Variants in TACR2 observed in about 807,000 individuals in gnomAD.
TACR2 encodes the protein tachykinin receptor 2, also known as substance-K receptor.
TACR2 carries 24 observed loss-of-function variants against 28.9 expected under a neutral mutation model. The observed-to-expected ratio is 0.83, with a 90% confidence interval of 0.60 to 1.17. The LOEUF (loss-of-function observed/expected upper bound fraction) is 1.17, where lower values mean the gene tolerates loss of function less well. Among genes scored for constraint, TACR2 ranks in the 50% most tolerant of loss-of-function variants. The pLI, the probability that TACR2 is intolerant of heterozygous loss-of-function variation, is 0.00. For synonymous variants in TACR2, 222 were observed against 212.6 expected (o/e 1.04, Z -0.38); for missense variants, 487 against 524.4 (o/e 0.93, Z 0.70).
chr10:69,413,383 G>A (rs189857449), intron 2 of TACR2, among the ~76,000 whole-genome samples: 63 of 152,310 alleles, frequency 4.1e-4, no homozygotes, highest in African/African-American at 1.5e-3. Flanking sequence ...GGAACTCGCT[G>A]TTCTCAGAGA....
At chr10:69,415,560 C>T (rs941658225) in intron 1 of TACR2, among the ~76,000 whole-genome samples, 28 of 149,088 alleles carry the variant, frequency 1.9e-4, no homozygotes, top group Admixed American at 6.6e-4. Flanking sequence ...GTAATCTATC[C>T]GGAATAATAA....
At chr10:69,409,157 C>G (rs1338454956) in intron 2 of TACR2, 82 bp from the exon 3 acceptor site, 2 of 1,372,850 alleles carry the variant, frequency 1.5e-6, no homozygotes, top group Non-Finnish European at 1.9e-6. Context: ...TGGGACCCCG[C>G]GGGCACTGTG....
intron 2 of TACR2, among the ~76,000 whole-genome samples, chr10:69,412,895 A>G (rs1840580933): frequency 6.6e-6 from 1 of 152,062 alleles, no homozygotes; most frequent in Non-Finnish European, 1.5e-5. Context: ...CAATGGTGTG[A>G]TCTTGGCTCA....
chr10:69,416,205 TAG>T lies in TACR2; in HGVS notation c.117_118del (p.Tyr40ProfsTer11). The T allele has an allele frequency of 6.2e-7, 1 of 1,614,140 alleles. No individual in the cohort carries two copies. The highest frequency in any genetic ancestry group is 1.7e-5 in the Admixed American group (1 of 60,026). The stretch of plus-strand genomic sequence containing the variant: ...CACGGCCACCAGCACCAGGGCCAGG[TAG>T]GCTGTGGCCCACAGTGCCAGTTGCC... On this transcript the variant is annotated frameshift_variant, in exon 1 of 5. Transcript: ENST00000373306. LOFTEE classifies it high-confidence loss of function.
At chr10:69,415,781 A>T in intron 1 of TACR2, 151 bp downstream of exon 1, 1 of 926,612 alleles carries the variant, frequency 1.1e-6, no homozygotes, top group Non-Finnish European at 1.6e-6. Flanking sequence ...CCTGCCTTCC[A>T]GATTCATAGT....
rs201359734 is a variant in TACR2 at position 69,407,160 on chromosome 10, C to T, written c.862G>A (p.Val288Ile). 9.3e-6 allele frequency: 15 copies of T among 1,614,036 alleles called. No individual in the cohort carries two copies. In the East Asian group the frequency reaches 3.3e-4, roughly 36 times the overall value. Residue 288 changes from valine to isoleucine, a missense_variant, in exon 4 of 5, where the codon GTC (valine) becomes ATC (isoleucine). Physicochemically the swap from Val to Ile is conservative, Grantham distance 29. Coordinates refer to ENST00000373306, the MANE Select transcript of TACR2 (RefSeq NM_001057.3). Reference protein sequence around the residue: ...DIYCHKFIQQVYLALFWLAMS... With the variant: ...DIYCHKFIQQIYLALFWLAMS... ...GCCAACCAGAAGAGTGCCAGGTAGA[C>T]TTGCTGGATGAACTTGTGGCAGTAG...
rs1429878300 is a variant in TACR2 at position 69,403,959 on chromosome 10, G to A, written c.*867C>T. The stretch of plus-strand genomic sequence containing the variant: ...GAAAGATTTAGAAGATCTAGCAACA[G>A]TGGGCTCCCATTATCATGTGGCAAC... On this transcript the variant is annotated 3_prime_UTR_variant, in exon 5 of 5. Coordinates refer to ENST00000373306, the MANE Select transcript of TACR2 (RefSeq NM_001057.3). 1 of 152,212 alleles carries A rather than the reference G, an allele frequency of 6.6e-6. No homozygotes were observed. Among genetic ancestry groups the A allele is most frequent in the Non-Finnish European group, 1.5e-5 (1 of 68,038 alleles). The allele number at this position is 152,212 out of a possible 1,614,324, so 9.4% of individuals were successfully genotyped here. A position where few individuals can be genotyped will look rare whatever the true frequency, so the allele number is the denominator to read the frequency against.
rs199997581 is a variant in TACR2, at chr10:69,404,269, A to T, written c.*557T>A. 2 of 152,218 alleles carry T rather than the reference A, an allele frequency of 1.3e-5. No homozygotes were observed. The highest frequency in any genetic ancestry group is 4.8e-5 in the African/African-American group (2 of 41,430). The allele number at this position is 152,218 out of a possible 1,614,324, so 9.4% of individuals were successfully genotyped here. A position where few individuals can be genotyped will look rare whatever the true frequency, so the allele number is the denominator to read the frequency against. ...TGGGTGGCTGAGTCCTCTTAAAGTC[A>T]GCATCCTTTCTGGAGTTCTGGCCCC... is the stretch of plus-strand genomic sequence containing the variant. On this transcript the variant is annotated 3_prime_UTR_variant, in exon 5 of 5. Coordinates refer to ENST00000373306, the MANE Select transcript of TACR2 (RefSeq NM_001057.3).
In TACR2 at chr10:69,405,001, G is replaced by A. The variant is rs149794645; in HGVS notation, c.1022C>T (p.Thr341Met). The stretch of plus-strand genomic sequence containing the variant: ...GTTGACTCTCGTGGAGAGGGAGGTC[G>A]TGGGAGTCAGCTCGAGCTTATCTTC... Reference protein sequence around the residue: ...TKEDKLELTPTTSLSTRVNRC... With the variant: ...TKEDKLELTPMTSLSTRVNRC... Residue 341 changes from threonine (T) to methionine (M), a missense_variant, in exon 5 of 5, where the codon ACG (threonine) becomes ATG (methionine). Physicochemically the swap from Thr to Met is moderately conservative, Grantham distance 81. Transcript: ENST00000373306. The A allele has an allele frequency of 1.8e-5, 29 of 1,614,188 alleles. No individual in the cohort carries two copies. Among genetic ancestry groups the A allele is most frequent in the South Asian group, 3.3e-5 (3 of 91,078 alleles).
intron 3 of TACR2, among the ~76,000 whole-genome samples, chr10:69,408,079 G>A (rs1439721469): frequency 6.6e-6 from 1 of 152,202 alleles, no homozygotes; most frequent in Non-Finnish European, 1.5e-5. Flanking sequence ...GGTAGGAAGG[G>A]GGCAAGGACA....
Position 69,416,445 on chromosome 10 carries a change from G to A in TACR2, c.-122C>T, listed in dbSNP as rs200741405. On this transcript the variant is annotated 5_prime_UTR_variant, in exon 1 of 5. It adds an upstream start codon to the 5' untranslated region. Coordinates refer to ENST00000373306, the MANE Select transcript of TACR2 (RefSeq NM_001057.3). Reference sequence around the variant, plus strand: ...GCAGGGAGAGGAGCAGATGCCAAGCGTGGTGGCACATCAGGAGAGCCTGGG... The same window carrying A: ...GCAGGGAGAGGAGCAGATGCCAAGCATGGTGGCACATCAGGAGAGCCTGGG... 1.4e-5 allele frequency: 20 copies of A among 1,383,098 alleles called. 1 individual carries two copies. The highest frequency in any genetic ancestry group is 9.4e-5 in the East Asian group (4 of 42,508). 85.7% of individuals were successfully genotyped at this position (1,383,098 alleles called of 1,614,324 possible). A position where few individuals can be genotyped will look rare whatever the true frequency, so the allele number is the denominator to read the frequency against.
chr10:69,413,665 G>T (rs1840587247), intron 2 of TACR2, among the ~76,000 whole-genome samples: 1 of 152,182 alleles, frequency 6.6e-6, no homozygotes, highest in African/African-American at 2.4e-5. Flanking sequence ...CCTTCTCCTG[G>T]CAGGTGCTCA....
intron 4 of TACR2, among the ~76,000 whole-genome samples, chr10:69,406,450 G>C (rs1840503112): frequency 6.6e-6 from 1 of 152,124 alleles, no homozygotes; most frequent in South Asian, 2.1e-4. Flanking sequence ...TGCCAGGAGA[G>C]TGAGATTCTG....
At chr10:69,408,697 C>A (rs1381577499) in intron 3 of TACR2, among the ~76,000 whole-genome samples, 3 of 152,192 alleles carry the variant, frequency 2.0e-5, no homozygotes, top group Non-Finnish European at 4.4e-5. Flanking sequence ...AGACTTCGCG[C>A]GAAGGCAGCT....
At position 69,404,568 on chromosome 10, in the gene TACR2, C is replaced by T. The variant is rs1840484197; in HGVS notation, c.*258G>A. ...GGGCAGCTGCATCTGGTGAAGGCCT[C>T]AGGCTGCTTCTTGTCATGGTGGAAA... On this transcript the variant is annotated 3_prime_UTR_variant, in exon 5 of 5. Transcript: ENST00000373306. 2 of 324,376 alleles carry T rather than the reference C, an allele frequency of 6.2e-6. No individual in the cohort carries two copies. Among genetic ancestry groups the T allele is most frequent in the Admixed American group, 9.8e-5 (2 of 20,354 alleles). 20.1% of individuals were successfully genotyped at this position (324,376 alleles called of 1,614,324 possible). A position where few individuals can be genotyped will look rare whatever the true frequency, so the allele number is the denominator to read the frequency against.
At chr10:69,405,822 G>C (rs557414895) in intron 4 of TACR2, among the ~76,000 whole-genome samples, 1 of 152,318 alleles carries the variant, frequency 6.6e-6, no homozygotes, top group Admixed American at 6.5e-5. Context: ...CCTCCCAGAT[G>C]TCAGAGTCCC....
rs200728227 is a variant in TACR2 at position 69,416,131 on chromosome 10, G to A, written c.193C>T (p.Arg65Cys). 93 of 1,614,208 alleles carry A rather than the reference G, an allele frequency of 5.8e-5. No individual in the cohort carries two copies. Among genetic ancestry groups the A allele is most frequent in the Non-Finnish European group, 7.1e-5 (84 of 1,180,028 alleles). ...ACGATGAAGTAGTTGGTGACTGTGC[G>A]CATCCTCCGATGGGCCAGGATGATC... The part of the protein sequence containing the change: ...IWIILAHRRM[R>C]TVTNYFIVNL... The change falls in exon 1 of 5, where the codon CGC becomes TGC. Residue 65 changes from arginine (R) to cysteine (C), a missense_variant. Physicochemically the swap from Arg to Cys is radical, Grantham distance 180. Coordinates refer to ENST00000373306, the MANE Select transcript of TACR2 (RefSeq NM_001057.3).
At chr10:69,411,075 G>A (rs34027621) in intron 2 of TACR2, among the ~76,000 whole-genome samples, 12 of 152,270 alleles carry the variant, frequency 7.9e-5, no homozygotes, top group Middle Eastern at 6.8e-3. Flanking sequence ...AGAGTCCTTA[G>A]AGCATTCCAC....
In TACR2 at chr10:69,404,771, C is replaced by T. The variant is rs200861784; in HGVS notation, c.*55G>A. ...TAATCTATTCATAAGGGATCCATCC[C>T]CAATACCCAAACACCTCCCACTAAC... is the stretch of plus-strand genomic sequence containing the variant. On this transcript the variant is annotated 3_prime_UTR_variant, in exon 5 of 5. Coordinates refer to ENST00000373306, the MANE Select transcript of TACR2 (RefSeq NM_001057.3). 1.9e-4 allele frequency: 170 copies of T among 918,882 alleles called. No individual in the cohort carries two copies. The African/African-American group carries it at 2.5e-3, about 14-fold the overall frequency. The allele number at this position is 918,882 out of a possible 1,614,324, so 56.9% of individuals were successfully genotyped here. A position where few individuals can be genotyped will look rare whatever the true frequency, so the allele number is the denominator to read the frequency against.
Sources: allele counts gnomAD v4.1 joint callset (sites outside exome capture counted in the v4.1 genomes callset), GRCh38; gene constraint gnomAD v4.1.1; transcripts MANE v1.5; gene names NCBI Gene and HGNC (gene_info 2026-07-23, HGNC 2026-07-21).